Variants in PCDHGB4 observed in about 807,000 individuals in gnomAD.
PCDHGB4 encodes protocadherin gamma-B4.
In PCDHGB4, 38 loss-of-function variants were observed where a neutral mutation model predicts 60.5. The ratio of observed to expected loss-of-function variants is 0.63; its 90% CI spans 0.48 to 0.82. The LOEUF is 0.82. PCDHGB4 is among the 40% of genes least tolerant of loss of function. The probability of loss-of-function intolerance (pLI) is 0.00; values close to 1 mark genes in which losing one functional copy is unlikely to be tolerated. For synonymous variants in PCDHGB4, 456 were observed against 509.7 expected (o/e 0.89, Z 1.42); for missense variants, 1,109 against 1,209.6 (o/e 0.92, Z 1.23).
intron 1 of PCDHGB4, among the ~76,000 whole-genome samples, chr5:141,467,062 T>C (rs2099136058): frequency 6.6e-6 from 1 of 151,686 alleles, no homozygotes; most frequent in South Asian, 2.1e-4. Context: ...TTTCTTTTTT[T>C]TTTTTTTTTA....
rs1314264090 is a variant in PCDHGB4, at chr5:141,490,459, C to T, written c.2398-4348C>T. 7 of 1,614,100 alleles carry T rather than the reference C, an allele frequency of 4.3e-6. No homozygotes were observed. Among genetic ancestry groups the T allele is most frequent in the Non-Finnish European group, 5.9e-6 (7 of 1,180,040 alleles). ...GCCTTCTGAGAACCACTACTCGCTG[C>T]TAACCAGCCAGCCTTTGGACCGGGA... On this transcript the variant is annotated intron_variant, in intron 1 of 3. Coordinates refer to ENST00000519479, the MANE Select transcript of PCDHGB4 (RefSeq NM_003736.4). The surrounding 1 kb of genome is among the most constrained non-coding windows in gnomAD (Gnocchi z 5.4).
At chr5:141,399,134 A>G (rs2093758534) in intron 1 of PCDHGB4, 6 of 1,613,856 alleles carry the variant, frequency 3.7e-6, no homozygotes, top group Non-Finnish European at 5.1e-6. Flanking sequence ...ATTCAAGATG[A>G]AAATGACAAT....
chr5:141,393,730 G>C lies in PCDHGB4; in HGVS notation c.2397+3449G>C, dbSNP rs546435108. On this transcript the variant is annotated intron_variant, in intron 1 of 3. Transcript: ENST00000519479. The stretch of plus-strand genomic sequence containing the variant: ...ACTGGGGAAATATCAATAGCAAAAA[G>C]TCTAGATTATGAAGAATGTTCATTT... 3 of 1,613,844 alleles carry C rather than the reference G, an allele frequency of 1.9e-6. No individual in the cohort carries two copies. In the South Asian group the frequency reaches 3.3e-5, roughly 18 times the overall value.
At position 141,489,378 on chromosome 5, in the gene PCDHGB4, G is replaced by A. The variant is rs1562129701; in HGVS notation, c.2398-5429G>A. ...AGTCTGAGCCGGGGACGCTGGTGGGGAATGTTGCTCAGGATCTGGGCTTAA... is the reference window on the plus strand; with the variant it reads ...AGTCTGAGCCGGGGACGCTGGTGGGAAATGTTGCTCAGGATCTGGGCTTAA... On this transcript the variant is annotated intron_variant, in intron 1 of 3. Coordinates refer to ENST00000519479, the MANE Select transcript of PCDHGB4 (RefSeq NM_003736.4). The surrounding 1 kb of genome is among the most constrained non-coding windows in gnomAD (Gnocchi z 4.5). 1.2e-6 allele frequency: 2 copies of A among 1,613,908 alleles called. No homozygotes were observed. The highest frequency in any genetic ancestry group is 3.3e-5 in the Admixed American group (2 of 60,026).
intron 1 of PCDHGB4, chr5:141,423,965 T>C (rs911812056): frequency 8.1e-5 from 94 of 1,162,030 alleles, no homozygotes; most frequent in Admixed American, 1.3e-4. Context: ...TATTTTTCTA[T>C]TATCAGTGTA....
chr5:141,483,436 C>T, intron 1 of PCDHGB4, among the ~76,000 whole-genome samples: 1 of 152,198 alleles, frequency 6.6e-6, no homozygotes, highest in Non-Finnish European at 1.5e-5. Context: ...GAGCTGACTA[C>T]AATAAAATCA....
chr5:141,442,153 C>T, intron 1 of PCDHGB4: 1 of 158,698 alleles, frequency 6.3e-6, no homozygotes, highest in Non-Finnish European at 1.4e-5. Flanking sequence ...CAGACCTCAG[C>T]GATCACTCTG....
chr5:141,413,188 A>C, intron 1 of PCDHGB4: 4 of 1,606,680 alleles, frequency 2.5e-6, no homozygotes, highest in Non-Finnish European at 3.4e-6. Flanking sequence ...GGCCGCTCAA[A>C]GGAATCGCTC....
chr5:141,425,528 C>T (rs2096881702), intron 1 of PCDHGB4, among the ~76,000 whole-genome samples: 1 of 152,200 alleles, frequency 6.6e-6, no homozygotes, highest in African/African-American at 2.4e-5. Context: ...AAACATGAAA[C>T]AATAATCCTT....
chr5:141,435,181 T>C (rs1249878603), intron 1 of PCDHGB4, among the ~76,000 whole-genome samples: 1 of 152,184 alleles, frequency 6.6e-6, no homozygotes, highest in African/African-American at 2.4e-5. Context: ...TTAACTACAC[T>C]TGAGATGGCT....
chr5:141,428,446 T>C lies in PCDHGB4; in HGVS notation c.2397+38165T>C, dbSNP rs575475897. On this transcript the variant is annotated intron_variant, in intron 1 of 3. Coordinates refer to ENST00000519479, the MANE Select transcript of PCDHGB4 (RefSeq NM_003736.4). The stretch of plus-strand genomic sequence containing the variant: ...CTGTTCTAAGACTAGACCAGGGGTT[T>C]TTCCCAACTACAATGAGGGAACTTT... 4.2e-5 allele frequency: 16 copies of C among 378,218 alleles called. No homozygotes were observed. The East Asian group carries it at 8.8e-4, about 21-fold the overall frequency. 23.4% of individuals were successfully genotyped at this position (378,218 alleles called of 1,614,324 possible). A position where few individuals can be genotyped will look rare whatever the true frequency, so the allele number is the denominator to read the frequency against.
chr5:141,405,191 C>T (rs573277021), intron 1 of PCDHGB4: 28 of 1,612,832 alleles, frequency 1.7e-5, no homozygotes, highest in South Asian at 1.6e-4. Context: ...AGATGGGGTT[C>T]GAGCTTTCCT....
chr5:141,465,251 A>T (rs1436627558), intron 1 of PCDHGB4, among the ~76,000 whole-genome samples: 1 of 152,214 alleles, frequency 6.6e-6, no homozygotes, highest in Non-Finnish European at 1.5e-5. Flanking sequence ...GCACTTTTGT[A>T]AGCAATGATA....
chr5:141,392,194 T>C (rs1486735796), intron 1 of PCDHGB4: 1 of 152,238 alleles, frequency 6.6e-6, no homozygotes, highest in East Asian at 1.9e-4. Context: ...TCTATTTTAG[T>C]CTCAAGATAA....
chr5:141,506,115 T>C (rs1211973354), intron 3 of PCDHGB4, among the ~76,000 whole-genome samples: 1 of 152,062 alleles, frequency 6.6e-6, no homozygotes, highest in Admixed American at 6.5e-5. Context: ...GAAGAGTCAC[T>C]AGGGCCCAGA....
At chr5:141,488,159 C>T (rs888153570) in intron 1 of PCDHGB4, among the ~76,000 whole-genome samples, 1 of 152,126 alleles carries the variant, frequency 6.6e-6, no homozygotes, top group Non-Finnish European at 1.5e-5. Flanking sequence ...GAGAGGCACG[C>T]ATCAGAGTGG....
chr5:141,400,384 G>A (rs1335444355), intron 1 of PCDHGB4: 2 of 1,614,054 alleles, frequency 1.2e-6, no homozygotes, highest in South Asian at 1.1e-5. Flanking sequence ...CCTATGTGTT[G>A]CACATACAGG....
At position 141,389,863 on chromosome 5, in the gene PCDHGB4, T is replaced by C; in HGVS notation, c.1979T>C (p.Leu660Pro). ...PPLSATATLH[L>P]VFADSLQEVL... ...CTCTCGGCCACTGCCACGTTGCACCTGGTCTTCGCCGACAGCTTGCAGGAG... is the reference window on the plus strand; with the variant it reads ...CTCTCGGCCACTGCCACGTTGCACCCGGTCTTCGCCGACAGCTTGCAGGAG... The change falls in exon 1 of 4, where the codon CTG becomes CCG. Residue 660 changes from leucine (L) to proline (P), a missense_variant. By Grantham distance (98) the Leu-to-Pro change is moderately conservative (BLOSUM62 -3). Around this residue, in one of 2 missense-constraint regions of PCDHGB4, gnomAD observed 1,068 missense variants for 1,089.9 expected, o/e 0.98. Coordinates refer to ENST00000519479, the MANE Select transcript of PCDHGB4 (RefSeq NM_003736.4). 6.2e-7 allele frequency: 1 copy of C among 1,614,064 alleles called. No homozygotes were observed. Among genetic ancestry groups the C allele is most frequent in the South Asian group, 1.1e-5 (1 of 91,082 alleles).
intron 1 of PCDHGB4, chr5:141,421,895 G>T: frequency 2.5e-6 from 4 of 1,613,730 alleles, no homozygotes; most frequent in Non-Finnish European, 3.4e-6. Context: ...GATCCCATCC[G>T]AAAGGGCGCA....
Sources: gnomAD v4.1 joint callset for allele counts (sites outside exome capture counted in the v4.1 genomes callset) on GRCh38, gnomAD v4.1.1 for gene constraint, gnomAD v4.1.1 regional missense constraint, Gnocchi (gnomAD v3.1) non-coding constraint, MANE v1.5 for transcripts, NCBI Gene and HGNC (gene_info 2026-07-23, HGNC 2026-07-21) for gene names.